The following PTPRT variants were observed in gnomAD, a reference collection of about 807,000 sequenced individuals.
PTPRT encodes protein tyrosine phosphatase receptor type T.
Under a neutral mutation model 176.8 loss-of-function variants are expected in PTPRT, and 56 were observed. The observed-to-expected ratio is 0.32, with a 90% CI of 0.26 to 0.40. PTPRT has a LOEUF of 0.40. PTPRT is among the 10% of genes least tolerant of loss of function. PTPRT has a pLI of 1.00. For synonymous variants in PTPRT, 783 were observed against 739.0 expected (o/e 1.06, Z -0.96); for missense variants, 1,540 against 1,908.2 (o/e 0.81, Z 3.60).
At chr20:42,892,577 A>T (rs2079213524) in intron 1 of PTPRT, among the ~76,000 whole-genome samples, 1 of 152,136 alleles carries the variant, frequency 6.6e-6, no homozygotes, top group South Asian at 2.1e-4. Flanking sequence ...CTTTTGGTAG[A>T]GCTCATCATT....
rs1986247394 is a variant in PTPRT, at chr20:42,104,552, C to T, written c.3540+17G>A. ...AAACTGACTAAGATGGTCACCGAGCCTGGGATTTGCTCATACCTGAAATTC... is the reference window on the plus strand; with the variant it reads ...AAACTGACTAAGATGGTCACCGAGCTTGGGATTTGCTCATACCTGAAATTC... On this transcript the variant is annotated intron_variant, in intron 25 of 30. Coordinates refer to ENST00000373187, the MANE Select transcript of PTPRT (RefSeq NM_007050.6). 6.2e-7 allele frequency: 1 copy of T among 1,604,390 alleles called. No homozygotes were observed. Among genetic ancestry groups the T allele is most frequent in the African/African-American group, 1.3e-5 (1 of 74,650 alleles).
chr20:42,899,296 G>A (rs2079358922), intron 1 of PTPRT, among the ~76,000 whole-genome samples: 1 of 152,238 alleles, frequency 6.6e-6, no homozygotes, highest in Admixed American at 6.5e-5. Flanking sequence ...GGGAAAAGGT[G>A]AGGAAAGGTT....
At chr20:42,489,449 G>GT (rs1290721859) in intron 7 of PTPRT, among the ~76,000 whole-genome samples, 1 of 151,726 alleles carries the variant, frequency 6.6e-6, no homozygotes, top group Non-Finnish European at 1.5e-5. Flanking sequence ...TCTGTTGCGG[G>GT]TTAAGCCATC....
At position 42,084,797 on chromosome 20, in the gene PTPRT, G is replaced by A; in HGVS notation, c.4021C>T (p.Pro1341Ser). ...IVQHLQYIGW[P>S]AYRDTPPSKR... Reference sequence around the variant, plus strand: ...GAGGGGGGCGTGTCCCGGTAGGCAGGCCAGCCAATGTACTGGAGGTGCTGG... The same window carrying A: ...GAGGGGGGCGTGTCCCGGTAGGCAGACCAGCCAATGTACTGGAGGTGCTGG... Residue 1341 changes from proline (P) to serine (S), a missense_variant, in exon 29 of 31, where the codon CCT (proline) becomes TCT (serine). By Grantham distance (74) the Pro-to-Ser change is moderately conservative (BLOSUM62 -1). This residue lies in a region of PTPRT where 342 missense variants were observed against 394.0 expected (regional missense o/e 0.87). Transcript: ENST00000373187. 1 of 1,547,658 alleles carries A rather than the reference G, an allele frequency of 6.5e-7. No homozygotes were observed. The highest frequency in any genetic ancestry group is 1.3e-5 in the South Asian group (1 of 76,622).
At chr20:42,065,977 T>C in the PTPRT span, among the ~76,000 whole-genome samples, 7 of 152,114 alleles carry the variant, frequency 4.6e-5, no homozygotes, top group Admixed American at 2.6e-4. Flanking sequence ...CTGTTAGGCT[T>C]CCTCATATTG....
intron 30 of PTPRT, 56 bp downstream of exon 30, chr20:42,081,826 A>C (rs1983354434): frequency 9.4e-6 from 15 of 1,590,016 alleles, no homozygotes; most frequent in Non-Finnish European, 1.3e-5. Context: ...CATTTTCTCC[A>C]GGTCAAGGGA....
intron 1 of PTPRT, among the ~76,000 whole-genome samples, chr20:43,083,333 T>TGTATGTATATAC (rs2011498225): frequency 9.9e-6 from 1 of 100,570 alleles, no homozygotes; most frequent in Non-Finnish European, 2.0e-5. Context: ...TATATATATA[T>TGTATGTATATAC]ATATATATAT....
chr20:42,310,762 T>A (rs1040263919), intron 12 of PTPRT, among the ~76,000 whole-genome samples: 12 of 152,178 alleles, frequency 7.9e-5, no homozygotes, highest in Non-Finnish European at 1.5e-5. Context: ...ACAGGTGTTG[T>A]GAATTAGGCA....
intron 15 of PTPRT, among the ~76,000 whole-genome samples, chr20:42,223,387 G>A (rs192698140): frequency 1.9e-4 from 29 of 152,210 alleles, no homozygotes; most frequent in African/African-American, 7.0e-4. Flanking sequence ...GTTAGTAAGC[G>A]GCAAAGTCCA....
chr20:42,476,236 G>C (rs1476981771), intron 7 of PTPRT, among the ~76,000 whole-genome samples: 2 of 152,170 alleles, frequency 1.3e-5, no homozygotes, highest in East Asian at 3.9e-4. Flanking sequence ...TGCATTCTTG[G>C]GGCCTCAGTA....
At chr20:42,935,841 C>T (rs1428232216) in intron 1 of PTPRT, among the ~76,000 whole-genome samples, 2 of 152,156 alleles carry the variant, frequency 1.3e-5, no homozygotes, top group Admixed American at 6.5e-5. Context: ...CCTCCTTCTC[C>T]TGGATTGAAG....
chr20:42,382,339 C>T (rs1383149395), intron 9 of PTPRT, among the ~76,000 whole-genome samples: 1 of 152,168 alleles, frequency 6.6e-6, no homozygotes, highest in Non-Finnish European at 1.5e-5. Context: ...GGAAATGGCT[C>T]TTCTCTTTCC....
At position 42,976,216 on chromosome 20, in the gene PTPRT, A is replaced by G. The variant is rs138140309; in HGVS notation, c.89-90284T>C. ...GGACTACAATAATTGAGAAAACTGTATCAGATACAGGGAGCCCTGCATATC... is the reference window on the plus strand; with the variant it reads ...GGACTACAATAATTGAGAAAACTGTGTCAGATACAGGGAGCCCTGCATATC... On this transcript the variant is annotated intron_variant, in intron 1 of 30. Transcript: ENST00000373187. 3.4e-3 allele frequency among the ~76,000 whole-genome samples: 517 copies of G among 152,250 alleles called. 2 individuals are homozygous for G. The highest frequency in any genetic ancestry group is 0.012 in the African/African-American group (500 of 41,556).
intron 1 of PTPRT, among the ~76,000 whole-genome samples, chr20:43,008,658 T>C (rs1310065541): frequency 6.6e-6 from 1 of 151,964 alleles, no homozygotes; most frequent in Non-Finnish European, 1.5e-5. Context: ...ACCACTGCAC[T>C]CCAGCCTAGG....
intron 1 of PTPRT, among the ~76,000 whole-genome samples, chr20:42,934,168 G>A (rs774621267): frequency 3.3e-5 from 5 of 152,176 alleles, no homozygotes; most frequent in Non-Finnish European, 7.3e-5. Context: ...TGCTAACAGG[G>A]TCTCAGGCAG....
chr20:42,460,761 C>G (rs149436544), intron 8 of PTPRT, among the ~76,000 whole-genome samples: 7 of 152,292 alleles, frequency 4.6e-5, no homozygotes, highest in African/African-American at 1.7e-4. Flanking sequence ...CCTTGCTTCC[C>G]CTTCACCTTC....
intron 20 of PTPRT, 56 bp downstream of exon 20, chr20:42,119,879 T>G (rs1231324615): frequency 6.6e-7 from 1 of 1,506,564 alleles, no homozygotes; most frequent in Non-Finnish European, 9.1e-7. Context: ...AGAGAGCCCT[T>G]TCCCCTGGGA....
chr20:42,834,865 A>C (rs1025346699), intron 2 of PTPRT, among the ~76,000 whole-genome samples: 2 of 152,216 alleles, frequency 1.3e-5, no homozygotes, highest in African/African-American at 4.8e-5. Flanking sequence ...AATAATTCTG[A>C]GAAAAAATTA....
intron 7 of PTPRT, among the ~76,000 whole-genome samples, chr20:42,663,200 A>G (rs1026133290): frequency 4.6e-5 from 7 of 152,146 alleles, no homozygotes; most frequent in African/African-American, 9.7e-5. Context: ...CAAAAGATGT[A>G]CAAAGAGGGG....
Sources: gnomAD v4.1 joint callset for allele counts (sites outside exome capture counted in the v4.1 genomes callset) on GRCh38, gnomAD v4.1.1 for gene constraint, gnomAD v4.1.1 regional missense constraint, MANE v1.5 for transcripts, NCBI Gene and HGNC (gene_info 2026-07-23, HGNC 2026-07-21) for gene names.